Variants in MIPOL1 observed in about 807,000 individuals in gnomAD.
MIPOL1 encodes the protein mirror-image polydactyly 1.
A neutral mutation model predicts 60.9 loss-of-function variants in MIPOL1; 57 were observed. That is an observed-to-expected ratio of 0.94 (90% CI 0.76 to 1.17). MIPOL1 has a LOEUF of 1.17. MIPOL1 is among the 50% of genes most tolerant of loss of function. The pLI is 0.00. For synonymous variants in MIPOL1, 179 were observed against 168.8 expected, an observed-to-expected ratio of 1.06 and a Z score of -0.47; for missense variants, 551 against 511.6, an observed-to-expected ratio of 1.08 and a Z score of -0.74.
Position 37,512,443 on chromosome 14 carries a change from G to A in MIPOL1, c.1262+12305G>A, listed in dbSNP as rs186880853. 1.5e-4 allele frequency among the ~76,000 whole-genome samples: 23 copies of A among 150,266 alleles called. 1 individual carries two copies. Among genetic ancestry groups the A allele is most frequent in the Admixed American group, 1.4e-3 (21 of 15,060 alleles). On this transcript the variant is annotated intron_variant, in intron 12 of 12. Transcript: ENST00000684589. ...CAGGATAGATGACTGTGGGTGCTGG[G>A]AAGAGGAACAGAGCATTTCTAAAGT... is the stretch of plus-strand genomic sequence containing the variant.
chr14:37,514,684 C>T (rs1224698478), intron 12 of MIPOL1, among the ~76,000 whole-genome samples: 2 of 151,224 alleles, frequency 1.3e-5, no homozygotes, highest in African/African-American at 2.4e-5. Context: ...TACAATGGCG[C>T]GATCTTGGCT....
chr14:37,492,324 TA>T (rs1566708448), intron 11 of MIPOL1, among the ~76,000 whole-genome samples: 1 of 152,214 alleles, frequency 6.6e-6, no homozygotes, highest in Non-Finnish European at 1.5e-5. Flanking sequence ...GCCCATTTTT[TA>T]AAAAAGAATG....
At chr14:37,225,426 C>T (rs1033357244) in intron 1 of MIPOL1, among the ~76,000 whole-genome samples, 1 of 152,214 alleles carries the variant, frequency 6.6e-6, no homozygotes, top group Admixed American at 6.5e-5. Flanking sequence ...GGTTCCCAAA[C>T]CCCAATACTT....
chr14:37,442,678 T>A (rs1423875221), intron 11 of MIPOL1, among the ~76,000 whole-genome samples: 1 of 151,154 alleles, frequency 6.6e-6, no homozygotes, highest in Non-Finnish European at 1.5e-5. Flanking sequence ...AAATAAAAAA[T>A]TTAAAAAATT....
At chr14:37,337,591 AATT>A (rs1408388292) in intron 9 of MIPOL1, among the ~76,000 whole-genome samples, 2 of 151,176 alleles carry the variant, frequency 1.3e-5, no homozygotes, top group African/African-American at 4.9e-5. Context: ...GCTGGTCTCG[AATT>A]CCTGACCTCG....
At chr14:37,251,138 G>A (rs1974020530) in intron 3 of MIPOL1, among the ~76,000 whole-genome samples, 1 of 152,132 alleles carries the variant, frequency 6.6e-6, no homozygotes, top group African/African-American at 2.4e-5. Context: ...ATGGCCCACT[G>A]TAACCATGAA....
chr14:37,256,690 A>C (rs1315498165), intron 3 of MIPOL1, among the ~76,000 whole-genome samples: 1 of 151,970 alleles, frequency 6.6e-6, no homozygotes, highest in Non-Finnish European at 1.5e-5. Context: ...TAAGAAGATG[A>C]CAAAAAATTT....
At chr14:37,445,274 C>T (rs2094315434) in intron 11 of MIPOL1, among the ~76,000 whole-genome samples, 1 of 152,080 alleles carries the variant, frequency 6.6e-6, no homozygotes, top group Non-Finnish European at 1.5e-5. Context: ...CATTCTTATA[C>T]ACCAATAACA....
chr14:37,383,098 T>C (rs2092969553), intron 10 of MIPOL1, among the ~76,000 whole-genome samples: 1 of 151,876 alleles, frequency 6.6e-6, no homozygotes. Flanking sequence ...CTTTGAATCG[T>C]GTACAACCAT....
chr14:37,205,625 CA>C (rs968303159), intron 1 of MIPOL1, among the ~76,000 whole-genome samples: 43 of 152,144 alleles, frequency 2.8e-4, no homozygotes, highest in Admixed American at 2.0e-4. Context: ...GCCAGCTCCC[CA>C]TCCCCCAACA....
rs8021879 is a variant in MIPOL1, at chr14:37,443,592, A to G, written c.1031+20643A>G. Among the ~76,000 whole-genome samples the G allele has an allele frequency of 9.5e-3, 1,447 of 152,108 alleles. 28 individuals carry two copies. Among genetic ancestry groups the G allele is most frequent in the African/African-American group, 0.033 (1,363 of 41,496 alleles). On this transcript the variant is annotated intron_variant, in intron 11 of 12. Coordinates refer to ENST00000684589, the MANE Select transcript of MIPOL1 (RefSeq NM_001388067.1). The stretch of plus-strand genomic sequence containing the variant: ...GTCTTGCCAACCATATAAGAAAGAC[A>G]TAATAACAGTCTTAACACAAACATT...
At chr14:37,326,236 T>C (rs1950522) in intron 9 of MIPOL1, among the ~76,000 whole-genome samples, 151,277 of 152,318 alleles carry the variant, frequency 0.99, 75,131 homozygotes, top group Middle Eastern at 1. Flanking sequence ...ACCATTTTGC[T>C]ATTCTGTCAA....
chr14:37,495,097 T>C (rs938043038), intron 11 of MIPOL1, among the ~76,000 whole-genome samples: 1 of 147,974 alleles, frequency 6.8e-6, no homozygotes, highest in South Asian at 2.2e-4. Flanking sequence ...ATTGATTCTT[T>C]TTTTTTCTAG....
At chr14:37,300,169 C>T (rs1330639590) in intron 7 of MIPOL1, among the ~76,000 whole-genome samples, 1 of 150,974 alleles carries the variant, frequency 6.6e-6, no homozygotes, top group Non-Finnish European at 1.5e-5. Flanking sequence ...ACCTCCATTC[C>T]TTTGTTCATA....
At chr14:37,217,565 C>A (rs984856859) in intron 1 of MIPOL1, among the ~76,000 whole-genome samples, 3 of 152,124 alleles carry the variant, frequency 2.0e-5, no homozygotes, top group African/African-American at 7.2e-5. Context: ...GGGATTTTCC[C>A]TGGGATACAG....
chr14:37,291,479 TTAAG>T (rs1411475468), intron 7 of MIPOL1, among the ~76,000 whole-genome samples: 1 of 152,244 alleles, frequency 6.6e-6, no homozygotes, highest in African/African-American at 2.4e-5. Context: ...ACTTACTTCC[TTAAG>T]TTTTATATTT....
chr14:37,287,743 A>G (rs1287944890), intron 7 of MIPOL1, among the ~76,000 whole-genome samples: 1 of 152,142 alleles, frequency 6.6e-6, no homozygotes, highest in Non-Finnish European at 1.5e-5. Context: ...CTGAAAAAAA[A>G]GGTGTTGGAG....
chr14:37,277,595 G>GC (rs1287525883), intron 6 of MIPOL1: 124 of 151,320 alleles, frequency 8.2e-4, no homozygotes, highest in African/African-American at 2.9e-3. Context: ...TTGATTCATT[G>GC]TCTTGCTACT....
At chr14:37,443,677 T>C (rs1316589013) in intron 11 of MIPOL1, among the ~76,000 whole-genome samples, 1 of 151,204 alleles carries the variant, frequency 6.6e-6, no homozygotes, top group Non-Finnish European at 1.5e-5. Context: ...CTGTTTTACA[T>C]TAGTATGAAA....
Sources: allele counts gnomAD v4.1 joint callset (sites outside exome capture counted in the v4.1 genomes callset), GRCh38; gene constraint gnomAD v4.1.1; transcripts MANE v1.5; gene names NCBI Gene and HGNC (gene_info 2026-07-23, HGNC 2026-07-21).